Variants in ABCD2 observed in about 807,000 individuals in gnomAD.
ABCD2 encodes ATP binding cassette subfamily D member 2, also known as ATP-binding cassette sub-family D member 2.
Under a neutral mutation model 70.9 loss-of-function variants are expected in ABCD2, and 36 were observed. The ratio of observed to expected loss-of-function variants is 0.51; its 90% confidence interval spans 0.39 to 0.67. ABCD2 has a LOEUF of 0.67. ABCD2 is among the 30% of genes least tolerant of loss of function. The pLI is 0.00. For synonymous variants in ABCD2, 304 were observed against 306.9 expected (o/e 0.99, Z 0.10); for missense variants, 729 against 890.2 (o/e 0.82, Z 2.30).
At chr12:39,613,881 A>C (rs146885511) in intron 2 of ABCD2, among the ~76,000 whole-genome samples, 10 of 152,326 alleles carry the variant, frequency 6.6e-5, no homozygotes, top group Non-Finnish European at 1.0e-4. Context: ...TTTTAGGTGG[A>C]TAGTACAGCA....
chr12:39,565,726 C>T (rs183530847), intron 9 of ABCD2, among the ~76,000 whole-genome samples: 2,108 of 152,064 alleles, frequency 0.014, 24 homozygotes, highest in Non-Finnish European at 0.019. Context: ...AGGGAATGCT[C>T]CCAGTTTTTG....
Position 39,553,643 on chromosome 12 carries a change from A to T in ABCD2, c.*269T>A. 1 of 374,518 alleles carries T rather than the reference A, an allele frequency of 2.7e-6. No individual in the cohort carries two copies. The highest frequency in any genetic ancestry group is 5.0e-5 in the East Asian group (1 of 20,166). 23.2% of individuals were successfully genotyped at this position (374,518 alleles called of 1,614,324 possible). On this transcript the variant is annotated 3_prime_UTR_variant, in exon 10 of 10. Coordinates refer to ENST00000308666, the MANE Select transcript of ABCD2 (RefSeq NM_005164.4). ...CATATACATAGTAAATCTGGTATTCATCATGAATTCACCTAGAAAATCCTG... is the reference window on the plus strand; with the variant it reads ...CATATACATAGTAAATCTGGTATTCTTCATGAATTCACCTAGAAAATCCTG...
intron 5 of ABCD2, among the ~76,000 whole-genome samples, chr12:39,601,280 A>G (rs1186320692): frequency 1.3e-5 from 2 of 151,910 alleles, no homozygotes; most frequent in East Asian, 3.8e-4. Context: ...TAGAGAAAAT[A>G]TGTTTAACAA....
At chr12:39,531,471 G>A in the ABCD2 span, among the ~76,000 whole-genome samples, 1 of 152,184 alleles carries the variant, frequency 6.6e-6, no homozygotes, top group Admixed American at 6.5e-5. Flanking sequence ...TTATTTTGCA[G>A]CTTCTTGTAT....
chr12:39,578,301 C>A (rs111451130), intron 8 of ABCD2, among the ~76,000 whole-genome samples: 1 of 151,908 alleles, frequency 6.6e-6, no homozygotes, highest in African/African-American at 2.4e-5. Context: ...GGTGAAACCC[C>A]GTCTCTACTA....
intron 9 of ABCD2, among the ~76,000 whole-genome samples, chr12:39,563,645 C>CT (rs5797628): frequency 0.1 from 15,431 of 152,054 alleles, 804 homozygotes; most frequent in East Asian, 0.16. Context: ...TTTAATTATA[C>CT]TTTAAGTTTT....
chr12:39,536,672 G>A, the ABCD2 span, among the ~76,000 whole-genome samples: 13 of 152,168 alleles, frequency 8.5e-5, no homozygotes, highest in African/African-American at 2.6e-4. Flanking sequence ...TTTAGGAATC[G>A]TATACAAGAA....
At chr12:39,598,679 C>T (rs903914771) in intron 6 of ABCD2, among the ~76,000 whole-genome samples, 1 of 152,154 alleles carries the variant, frequency 6.6e-6, no homozygotes, top group Admixed American at 6.5e-5. Flanking sequence ...GGATTACAGG[C>T]ATGAGCCACC....
Position 39,551,931 on chromosome 12 carries a change from T to C in ABCD2, c.*1981A>G, listed in dbSNP as rs1261129413. On this transcript the variant is annotated 3_prime_UTR_variant, in exon 10 of 10. Transcript: ENST00000308666. ...CATTTTCTTCTTGTACCTTTAAAAG[T>C]TAACTTAAAACACTTGCCTCAGACT... 1 of 151,800 alleles carries C rather than the reference T, an allele frequency of 6.6e-6. No homozygotes were observed. The allele number at this position is 151,800 out of a possible 1,614,324, so 9.4% of individuals were successfully genotyped here. A position where few individuals can be genotyped will look rare whatever the true frequency, so the allele number is the denominator to read the frequency against.
In ABCD2 at chr12:39,606,032, T is replaced by C. The variant is rs544882300; in HGVS notation, c.1237-1102A>G. Among the ~76,000 whole-genome samples the C allele has an allele frequency of 4.6e-5, 7 of 152,238 alleles. No homozygotes were observed. In the South Asian group the frequency reaches 1.5e-3, roughly 32 times the overall value. ...ATGTTATCTGGAAGAACCTCTTGAGTTGTCAAGTAGAGGAAAACAAATTTA... is the reference window on the plus strand; with the variant it reads ...ATGTTATCTGGAAGAACCTCTTGAGCTGTCAAGTAGAGGAAAACAAATTTA... On this transcript the variant is annotated intron_variant, in intron 3 of 9. Transcript: ENST00000308666.
chr12:39,558,057 C>T (rs944724812), intron 9 of ABCD2, among the ~76,000 whole-genome samples: 2 of 152,206 alleles, frequency 1.3e-5, no homozygotes, highest in African/African-American at 4.8e-5. Flanking sequence ...AGCAGACACT[C>T]AATGCCAGCC....
chr12:39,570,225 A>G (rs1941427323), intron 9 of ABCD2, among the ~76,000 whole-genome samples: 1 of 152,270 alleles, frequency 6.6e-6, no homozygotes, highest in South Asian at 2.1e-4. Flanking sequence ...TCAGAGAAAT[A>G]GAAAAAAAAT....
At chr12:39,536,780 T>C in the ABCD2 span, among the ~76,000 whole-genome samples, 4 of 152,198 alleles carry the variant, frequency 2.6e-5, no homozygotes, top group African/African-American at 9.6e-5. Context: ...CTGTGTTCCA[T>C]TTTGATTGAG....
At chr12:39,580,536 C>G (rs1941582932) in intron 7 of ABCD2, among the ~76,000 whole-genome samples, 1 of 152,196 alleles carries the variant, frequency 6.6e-6, no homozygotes, top group African/African-American at 2.4e-5. Flanking sequence ...CTTCCAAGAA[C>G]AGAATTAGAT....
the ABCD2 span, among the ~76,000 whole-genome samples, chr12:39,543,512 T>G: frequency 6.6e-6 from 1 of 152,234 alleles, no homozygotes. Context: ...ACATTAAAAT[T>G]GTGTAGGAAC....
the ABCD2 span, among the ~76,000 whole-genome samples, chr12:39,531,363 G>C: frequency 7.2e-5 from 11 of 152,338 alleles, no homozygotes; most frequent in African/African-American, 2.4e-4. Context: ...TAAATCATGA[G>C]AGCAGAGACC....
the ABCD2 span, among the ~76,000 whole-genome samples, chr12:39,533,564 C>T: frequency 2.0e-5 from 3 of 152,190 alleles, no homozygotes; most frequent in African/African-American, 7.2e-5. Flanking sequence ...ACAACCTATT[C>T]ACATTTTCAT....
chr12:39,555,737 C>T (rs1194743698), intron 9 of ABCD2, among the ~76,000 whole-genome samples: 6 of 152,154 alleles, frequency 3.9e-5, no homozygotes. Context: ...GCCTCTGAAC[C>T]TGCCTCAGTG....
chr12:39,613,182 C>T (rs1468764044), intron 2 of ABCD2, among the ~76,000 whole-genome samples: 1 of 88,706 alleles, frequency 1.1e-5, no homozygotes, highest in Non-Finnish European at 2.1e-5. Context: ...GTCAGGAGAT[C>T]GAGACCATCC....
Sources: allele counts gnomAD v4.1 joint callset (sites outside exome capture counted in the v4.1 genomes callset), GRCh38; gene constraint gnomAD v4.1.1; transcripts MANE v1.5; gene names NCBI Gene and HGNC (gene_info 2026-07-23, HGNC 2026-07-21).